TMEM63A: variants seen among roughly 807,000 people sequenced by gnomAD.
TMEM63A encodes the protein transmembrane protein 63A.
A neutral mutation model predicts 100.6 loss-of-function variants in TMEM63A; 76 were observed. The ratio of observed to expected loss-of-function variants is 0.76; its 90% confidence interval spans 0.63 to 0.91. The LOEUF (loss-of-function observed/expected upper bound fraction) is 0.91. Among genes scored for constraint, TMEM63A ranks in the 40% least tolerant of loss-of-function variants. The probability of loss-of-function intolerance (pLI) is 0.00; values close to 1 mark genes in which losing one functional copy is unlikely to be tolerated. For missense variants in TMEM63A, 876 were observed against 1,008.8 expected (o/e 0.87, Z 1.78); for synonymous variants, 401 against 401.1 (o/e 1.00, Z 0.00).
intron 2 of TMEM63A, among the ~76,000 whole-genome samples, chr1:225,878,055 C>A (rs360097): frequency 0.57 from 87,008 of 151,950 alleles, 26,821 homozygotes; most frequent in Non-Finnish European, 0.67. Context: ...GGATAAACAA[C>A]CAGGGAAGAA....
chr1:225,848,854 T>A (rs1268730032), intron 22 of TMEM63A, 43 bp downstream of exon 22: 1 of 1,474,166 alleles, frequency 6.8e-7, no homozygotes, highest in South Asian at 1.2e-5. Flanking sequence ...CACCATCTGT[T>A]CCTCCCAGGG....
At position 225,862,704 on chromosome 1, in the gene TMEM63A, C is replaced by T. The variant is rs1294384369; in HGVS notation, c.827+67G>A. On this transcript the variant is annotated intron_variant, in intron 11 of 24. Coordinates refer to ENST00000366835, the MANE Select transcript of TMEM63A (RefSeq NM_014698.3). This position sits in a 1 kb window ranked among gnomAD's most constrained non-coding sequence, Gnocchi z 5.1. ...GGGTCCAGGGCCTCCCGCCTCCCTTCCTAGCTGGGAGATGCGAGGCCAGCA... is the reference window on the plus strand; with the variant it reads ...GGGTCCAGGGCCTCCCGCCTCCCTTTCTAGCTGGGAGATGCGAGGCCAGCA... 2.5e-6 allele frequency: 4 copies of T among 1,611,320 alleles called. No homozygotes were observed. The highest frequency in any genetic ancestry group is 1.7e-5 in the Admixed American group (1 of 59,748).
At position 225,845,658 on chromosome 1, in the gene TMEM63A, C is replaced by T. The variant is rs1230036580; in HGVS notation, c.*1281G>A. On this transcript the variant is annotated 3_prime_UTR_variant, in exon 25 of 25. Transcript: ENST00000366835. ...CGGCCCCTCCTTGCTGGCAGAGGCA[C>T]GGGAGGCCTGCTGGGGATGAGGCCA... The T allele has an allele frequency of 4.9e-5, 23 of 470,744 alleles. No individual in the cohort carries two copies. Among genetic ancestry groups the T allele is most frequent in the South Asian group, 1.9e-4 (9 of 47,490 alleles). 29.2% of individuals were successfully genotyped at this position (470,744 alleles called of 1,614,324 possible). A position where few individuals can be genotyped will look rare whatever the true frequency, so the allele number is the denominator to read the frequency against.
chr1:225,868,693 GAA>G (rs976199495), intron 6 of TMEM63A, among the ~76,000 whole-genome samples: 1 of 129,960 alleles, frequency 7.7e-6, no homozygotes, highest in African/African-American at 2.8e-5. Flanking sequence ...TCTCAAAAAA[GAA>G]AAAAAAAAAA....
At chr1:225,851,637 G>A (rs1006601469) in intron 20 of TMEM63A, among the ~76,000 whole-genome samples, 6 of 152,218 alleles carry the variant, frequency 3.9e-5, no homozygotes, top group African/African-American at 1.4e-4. Flanking sequence ...CCAAAGTGCT[G>A]GGATTACAGG....
chr1:225,865,763 G>A lies in TMEM63A; in HGVS notation c.746+134C>T, dbSNP rs1389488201. 16 of 862,292 alleles carry A rather than the reference G, an allele frequency of 1.9e-5. No homozygotes were observed. The highest frequency in any genetic ancestry group is 4.4e-5 in the Admixed American group (2 of 45,026). The allele number at this position is 862,292 out of a possible 1,614,324, so 53.4% of individuals were successfully genotyped here. A position where few individuals can be genotyped will look rare whatever the true frequency, so the allele number is the denominator to read the frequency against. ...ACTCCATACACGTGTGGCAGGGCCA[G>A]GTCCTTCTCAGATCTCACCTGGATA... On this transcript the variant is annotated intron_variant, in intron 10 of 24. Transcript: ENST00000366835. The surrounding 1 kb of genome is among the most constrained non-coding windows in gnomAD (Gnocchi z 4.6).
rs2102800849 is a variant in TMEM63A at position 225,845,904 on chromosome 1, A to G, written c.*1035T>C. ...GCCAAGGCCCCAGGCCAGTTGTGCT[A>G]GGAGCCTGGACCTGCTCTTCCACAC... On this transcript the variant is annotated 3_prime_UTR_variant, in exon 25 of 25. Coordinates refer to ENST00000366835, the MANE Select transcript of TMEM63A (RefSeq NM_014698.3). 1 of 182,932 alleles carries G rather than the reference A, an allele frequency of 5.5e-6. No homozygotes were observed. The highest frequency in any genetic ancestry group is 5.3e-5 in the Admixed American group (1 of 18,710). The allele number at this position is 182,932 out of a possible 1,614,324, so 11.3% of individuals were successfully genotyped here.
chr1:225,866,055 A>G, intron 9 of TMEM63A, 88 bp from the exon 10 acceptor site: 1 of 1,372,444 alleles, frequency 7.3e-7, no homozygotes, highest in East Asian at 2.4e-5. Context: ...CAGCCTCTGG[A>G]AAGTAAACAA....
intron 6 of TMEM63A, among the ~76,000 whole-genome samples, chr1:225,869,365 C>G (rs977429157): frequency 6.6e-6 from 1 of 152,206 alleles, no homozygotes; most frequent in East Asian, 1.9e-4. Flanking sequence ...GTTCTCATTT[C>G]TAAATAAACT....
chr1:225,875,843 C>T (rs1371071118), intron 3 of TMEM63A, among the ~76,000 whole-genome samples: 1 of 151,664 alleles, frequency 6.6e-6, no homozygotes, highest in East Asian at 2.0e-4. Context: ...GCTGGTGAAT[C>T]GCTTGAGCTC....
At chr1:225,861,036 C>G in intron 13 of TMEM63A, 39 bp from the exon 14 acceptor site, 1 of 1,562,634 alleles carries the variant, frequency 6.4e-7, no homozygotes, top group Middle Eastern at 1.7e-4. Flanking sequence ...CCAGGCTACT[C>G]AGGTTACCAA....
chr1:225,842,270 C>A, downstream of TMEM63A: 1 of 942,906 alleles, frequency 1.1e-6, no homozygotes, highest in Non-Finnish European at 1.7e-6. Context: ...TGCACACAGC[C>A]CCGCCCTCTG....
rs765722596 is a variant in TMEM63A, at chr1:225,866,695, C to A, written c.567-13G>T. ...AAGGAGGTCATTGCTGAGAGGGAAA[C>A]CACCTGCCATCAGGGCTGGGATCCC... On this transcript the variant is annotated splice_polypyrimidine_tract_variant and intron_variant, in intron 8 of 24. Transcript: ENST00000366835. The A allele has an allele frequency of 1.2e-6, 2 of 1,612,920 alleles. No individual in the cohort carries two copies. Among genetic ancestry groups the A allele is most frequent in the Non-Finnish European group, 1.7e-6 (2 of 1,179,140 alleles).
intron 9 of TMEM63A, 92 bp from the exon 10 acceptor site, chr1:225,866,059 T>A: frequency 7.5e-7 from 1 of 1,340,878 alleles, no homozygotes; most frequent in Non-Finnish European, 1.1e-6. Flanking sequence ...CTCTGGAAAG[T>A]AAACAACAGG....
chr1:225,868,345 C>T (rs1243620218), intron 6 of TMEM63A, among the ~76,000 whole-genome samples: 1 of 152,086 alleles, frequency 6.6e-6, no homozygotes, highest in Non-Finnish European at 1.5e-5. Context: ...ATACAGTCAT[C>T]TCACAGCCCT....
intron 9 of TMEM63A, 29 bp downstream of exon 9, chr1:225,866,545 C>T: frequency 1.2e-6 from 2 of 1,603,566 alleles, no homozygotes; most frequent in Non-Finnish European, 1.7e-6. Context: ...TCCCTCCCAG[C>T]ACATGTCCCT....
chr1:225,842,264 C>A, downstream of TMEM63A: 2 of 905,424 alleles, frequency 2.2e-6, no homozygotes, highest in Non-Finnish European at 3.7e-6. Flanking sequence ...GCTTCCTGCA[C>A]ACAGCCCCGC....
At position 225,871,693 on chromosome 1, in the gene TMEM63A, GCAAGTC is replaced by G. The variant is rs543285855; in HGVS notation, c.333+288_333+293del. The G allele has an allele frequency of 8.3e-5, 32 of 384,810 alleles. No homozygotes were observed. In the Admixed American group the frequency reaches 1.2e-3, roughly 15 times the overall value. 23.8% of individuals were successfully genotyped at this position (384,810 alleles called of 1,614,324 possible). On this transcript the variant is annotated intron_variant, in intron 5 of 24. Coordinates refer to ENST00000366835, the MANE Select transcript of TMEM63A (RefSeq NM_014698.3). ...CCACATCTGGCTCATAATCCAGCCA[GCAAGTC>G]CATAATTAACTGTCATACAAAGCCA...
At chr1:225,871,769 TA>T (rs1559049295) in intron 5 of TMEM63A, 1 of 546,076 alleles carries the variant, frequency 1.8e-6, no homozygotes, top group Admixed American at 3.5e-5. Flanking sequence ...AGGGATTCCG[TA>T]CCCCTTCCTG....
Sources: allele counts gnomAD v4.1 joint callset (sites outside exome capture counted in the v4.1 genomes callset), GRCh38; gene constraint gnomAD v4.1.1; non-coding constraint Gnocchi (gnomAD v3.1); transcripts MANE v1.5; gene names NCBI Gene and HGNC (gene_info 2026-07-23, HGNC 2026-07-21).